ST18: variants seen among roughly 807,000 people sequenced by gnomAD.
The protein encoded by ST18 is suppression of tumorigenicity 18 protein.
A neutral mutation model predicts 110.0 loss-of-function variants in ST18; 50 were observed. The ratio of observed to expected loss-of-function variants is 0.45; its 90% CI spans 0.36 to 0.58. The LOEUF (loss-of-function observed/expected upper bound fraction) is 0.58. Ranked by LOEUF, ST18 falls within the 20% of genes least tolerant of loss-of-function variation. The pLI is 0.00. For synonymous variants in ST18, 461 were observed against 452.4 expected, an observed-to-expected ratio of 1.02 and a Z score of -0.24; for missense variants, 1,306 against 1,280.1, an observed-to-expected ratio of 1.02 and a Z score of -0.31.
At chr8:52,336,450 T>A (rs1812123259) in intron 2 of ST18, among the ~76,000 whole-genome samples, 1 of 152,134 alleles carries the variant, frequency 6.6e-6, no homozygotes, top group Non-Finnish European at 1.5e-5. Context: ...CACACCAGCC[T>A]GCTTCTTGGA....
intron 2 of ST18, among the ~76,000 whole-genome samples, chr8:52,282,004 T>G (rs2095388275): frequency 6.6e-6 from 1 of 152,300 alleles, no homozygotes; most frequent in South Asian, 2.1e-4. Flanking sequence ...AACTTATTCA[T>G]GTAACCAAAC....
chr8:52,235,935 A>T (rs1473830764), intron 2 of ST18, among the ~76,000 whole-genome samples: 1 of 152,192 alleles, frequency 6.6e-6, no homozygotes, highest in African/African-American at 2.4e-5. Context: ...AGAAAATACT[A>T]AACTAAACTG....
In ST18 at chr8:52,263,609, TG is replaced by T. The variant is rs1308684415; in HGVS notation, c.-464-33533del. ...ATAATATCATGTAGTTTTTTTGTTT[TG>T]TTTTTTTTTTTTTTAGTAGAGATGG... is the stretch of plus-strand genomic sequence containing the variant. On this transcript the variant is annotated intron_variant, in intron 2 of 25. Transcript: ENST00000689386. Among the ~76,000 whole-genome samples, 417 of 136,360 alleles carry T rather than the reference TG, an allele frequency of 3.1e-3. 2 individuals are homozygous for T. The highest frequency in any genetic ancestry group is 0.011 in the African/African-American group (381 of 35,012). The allele number at this position is 136,360 out of a possible 152,430, so 89.5% of individuals were successfully genotyped here. A position where few individuals can be genotyped will look rare whatever the true frequency, so the allele number is the denominator to read the frequency against.
At chr8:52,153,024 A>G (rs945862675) in intron 15 of ST18, among the ~76,000 whole-genome samples, 1 of 152,206 alleles carries the variant, frequency 6.6e-6, no homozygotes, top group Admixed American at 6.5e-5. Flanking sequence ...AAAAAGGAAA[A>G]CACAAAAGTG....
At chr8:52,254,760 T>C (rs2094471760) in intron 2 of ST18, among the ~76,000 whole-genome samples, 1 of 152,154 alleles carries the variant, frequency 6.6e-6, no homozygotes, top group African/African-American at 2.4e-5. Context: ...GTGAATGGGC[T>C]GAGTTAAAAA....
intron 5 of ST18, among the ~76,000 whole-genome samples, chr8:52,218,655 C>A (rs1449432218): frequency 1.3e-5 from 2 of 151,212 alleles, no homozygotes; most frequent in Non-Finnish European, 2.9e-5. Flanking sequence ...CCGCCTTGGC[C>A]TCCCAAAGTG....
At chr8:52,133,001 C>T (rs1159366746) in intron 21 of ST18, 56 bp downstream of exon 21, 1 of 1,592,542 alleles carries the variant, frequency 6.3e-7, no homozygotes, top group Admixed American at 1.7e-5. Context: ...ACCAAGTTCC[C>T]TCCCATTTTA....
At chr8:52,208,821 A>AAAT (rs2081109040) in intron 8 of ST18, among the ~76,000 whole-genome samples, 1 of 92,028 alleles carries the variant, frequency 1.1e-5, no homozygotes, top group African/African-American at 6.1e-5. Context: ...TCGCCAAAAT[A>AAAT]AATAAATAAA....
intron 2 of ST18, among the ~76,000 whole-genome samples, chr8:52,251,081 A>G (rs1319634832): frequency 6.6e-6 from 1 of 152,160 alleles, no homozygotes; most frequent in South Asian, 2.1e-4. Context: ...TTGGGAGAAG[A>G]CTACTTCCTG....
chr8:52,372,558 G>A (rs538061737), intron 2 of ST18, among the ~76,000 whole-genome samples: 9 of 152,270 alleles, frequency 5.9e-5, no homozygotes, highest in African/African-American at 1.2e-4. Context: ...CTCCATTCAC[G>A]GTAAGTGCCC....
chr8:52,129,451 C>CA (rs34059224), intron 22 of ST18, among the ~76,000 whole-genome samples: 2,609 of 72,144 alleles, frequency 0.036, 76 homozygotes, highest in East Asian at 0.11. Context: ...GAGACTCCAT[C>CA]AAAAAAAAAA....
At chr8:52,142,849 G>A in intron 17 of ST18, 81 bp downstream of exon 17, 1 of 1,067,270 alleles carries the variant, frequency 9.4e-7, no homozygotes, top group Non-Finnish European at 1.4e-6. Context: ...AACTGTATAA[G>A]CCAGGATATT....
intron 10 of ST18, among the ~76,000 whole-genome samples, chr8:52,170,118 G>A (rs1195119875): frequency 6.6e-6 from 1 of 152,150 alleles, no homozygotes; most frequent in Non-Finnish European, 1.5e-5. Flanking sequence ...ATCATTTTGT[G>A]TGCTACTTAG....
At chr8:52,280,482 A>G (rs1334862201) in intron 2 of ST18, among the ~76,000 whole-genome samples, 1 of 152,042 alleles carries the variant, frequency 6.6e-6, no homozygotes, top group Non-Finnish European at 1.5e-5. Flanking sequence ...TGTGTATAAT[A>G]TACACCTAGA....
intron 2 of ST18, chr8:52,405,738 A>G (rs1036591188): frequency 2.6e-5 from 4 of 152,194 alleles, no homozygotes; most frequent in Non-Finnish European, 5.9e-5. Flanking sequence ...TTATAGACCC[A>G]TAAAAGTAGA....
chr8:52,400,850 T>C (rs1442167438), intron 2 of ST18, among the ~76,000 whole-genome samples: 1 of 152,140 alleles, frequency 6.6e-6, no homozygotes, highest in African/African-American at 2.4e-5. Context: ...AGTTGAAAGA[T>C]TTACACGCCA....
chr8:52,262,964 G>A (rs2094742090), intron 2 of ST18, among the ~76,000 whole-genome samples: 1 of 152,194 alleles, frequency 6.6e-6, no homozygotes, highest in Non-Finnish European at 1.5e-5. Flanking sequence ...GCTCAACTCA[G>A]CCTGTTACAA....
At chr8:52,238,885 G>A (rs772705005) in intron 2 of ST18, among the ~76,000 whole-genome samples, 7 of 150,842 alleles carry the variant, frequency 4.6e-5, no homozygotes, top group Non-Finnish European at 1.0e-4. Flanking sequence ...GGTGAGGGAT[G>A]AGAAATTACT....
intron 2 of ST18, among the ~76,000 whole-genome samples, chr8:52,401,054 T>C (rs1231545500): frequency 1.3e-5 from 2 of 152,186 alleles, no homozygotes; most frequent in Non-Finnish European, 2.9e-5. Context: ...GCAAAGACTT[T>C]ATTTCTCCTT....
Sources: gnomAD v4.1 joint callset for allele counts (sites outside exome capture counted in the v4.1 genomes callset) on GRCh38, gnomAD v4.1.1 for gene constraint, MANE v1.5 for transcripts, NCBI Gene and HGNC (gene_info 2026-07-23, HGNC 2026-07-21) for gene names.